STRBP: variants seen among roughly 807,000 people sequenced by gnomAD.
STRBP encodes the protein spermatid perinuclear RNA binding protein.
STRBP carries 13 observed loss-of-function variants against 80.1 expected under a neutral mutation model. The observed-to-expected ratio is 0.16, with a 90% CI of 0.11 to 0.26. STRBP has a LOEUF of 0.26. STRBP is among the 10% of genes least tolerant of loss of function. STRBP has a pLI of 1.00. For synonymous variants in STRBP, 284 were observed against 291.2 expected (o/e 0.98, Z 0.25); for missense variants, 485 against 815.2 (o/e 0.59, Z 4.93).
rs751504468 is a variant in STRBP at position 123,124,671 on chromosome 9, A to C, written c.*926T>G. On this transcript the variant is annotated 3_prime_UTR_variant, in exon 19 of 19. Transcript: ENST00000348403. ...AAAAAAGCCAGGGAGTGAACACAAT[A>C]TCTTACAGAGTGAAGAAGGCCACAA... 1 of 985,334 alleles carries C rather than the reference A, an allele frequency of 1.0e-6. No individual in the cohort carries two copies. The highest frequency in any genetic ancestry group is 1.2e-6 in the Non-Finnish European group (1 of 829,938). 61.0% of individuals were successfully genotyped at this position (985,334 alleles called of 1,614,324 possible).
intron 12 of STRBP, 145 bp downstream of exon 12, chr9:123,147,633 G>A (rs2036871469): frequency 6.7e-6 from 4 of 598,282 alleles, no homozygotes; most frequent in East Asian, 3.2e-5. Context: ...AGCCGAGATC[G>A]CGCCACTGCA....
Position 123,170,102 on chromosome 9 carries a change from G to GA in STRBP, c.391-57dup, listed in dbSNP as rs199869198. On this transcript the variant is annotated intron_variant, in intron 5 of 18. Transcript: ENST00000348403. ...AGTTAATTAGACTGAAACCTCAAAAGAAAAAAAAACAATGCTTGTACTAAG... is the reference window on the plus strand; with the variant it reads ...AGTTAATTAGACTGAAACCTCAAAAGAAAAAAAAAACAATGCTTGTACTAAG... 3.8e-3 allele frequency: 5,553 copies of GA among 1,448,794 alleles called. 1 individual carries two copies. Among genetic ancestry groups the GA allele is most frequent in the East Asian group, 5.7e-3 (218 of 38,258 alleles). 89.7% of individuals were successfully genotyped at this position (1,448,794 alleles called of 1,614,324 possible).
chr9:123,116,541 G>A (rs760608301), intron 2 of STRBP, among the ~76,000 whole-genome samples: 1 of 152,192 alleles, frequency 6.6e-6, no homozygotes, highest in African/African-American at 2.4e-5. Context: ...CAAAGGAACA[G>A]AAAAAGAACG....
chr9:123,206,017 A>T (rs2039500694), intron 2 of STRBP, among the ~76,000 whole-genome samples: 1 of 152,216 alleles, frequency 6.6e-6, no homozygotes, highest in African/African-American at 2.4e-5. Context: ...TTGGTATAAA[A>T]GCAATAGATT....
At chr9:123,171,366 A>G (rs1253058831) in intron 5 of STRBP, among the ~76,000 whole-genome samples, 3 of 152,206 alleles carry the variant, frequency 2.0e-5, no homozygotes, top group Non-Finnish European at 4.4e-5. Context: ...ACGTACTTAG[A>G]TAACTGAAAG....
At chr9:123,146,417 A>C (rs558779559) in intron 13 of STRBP, among the ~76,000 whole-genome samples, 3 of 151,974 alleles carry the variant, frequency 2.0e-5, no homozygotes, top group South Asian at 4.2e-4. Context: ...GTAGCATGTT[A>C]ATCGTACCGC....
At chr9:123,221,965 A>G (rs2040081540) in intron 2 of STRBP, among the ~76,000 whole-genome samples, 1 of 152,192 alleles carries the variant, frequency 6.6e-6, no homozygotes, top group Non-Finnish European at 1.5e-5. Context: ...CCTAATAGTT[A>G]TGGCATCCAG....
intron 2 of STRBP, among the ~76,000 whole-genome samples, chr9:123,230,814 C>T (rs1313577729): frequency 6.6e-6 from 1 of 152,156 alleles, no homozygotes; most frequent in African/African-American, 2.4e-5. Context: ...CTTCCACATA[C>T]TTTTTTCAAG....
At chr9:123,195,616 A>C (rs1189733641) in intron 2 of STRBP, among the ~76,000 whole-genome samples, 1 of 152,220 alleles carries the variant, frequency 6.6e-6, no homozygotes, top group East Asian at 1.9e-4. Flanking sequence ...ATAAAACTAA[A>C]TACCTAGGAC....
At chr9:123,138,305 T>C (rs1173582930) in intron 14 of STRBP, among the ~76,000 whole-genome samples, 5 of 152,214 alleles carry the variant, frequency 3.3e-5, no homozygotes, top group Non-Finnish European at 7.3e-5. Flanking sequence ...AAACAACATC[T>C]TGACCTGTGA....
intron 1 of STRBP, among the ~76,000 whole-genome samples, chr9:123,248,720 T>C (rs2040852647): frequency 6.6e-6 from 1 of 152,238 alleles, no homozygotes; most frequent in African/African-American, 2.4e-5. Context: ...TTCTCCAGTA[T>C]AACCTGATGT....
chr9:123,146,746 A>G, intron 13 of STRBP, 109 bp downstream of exon 13: 1 of 950,976 alleles, frequency 1.1e-6, no homozygotes, highest in East Asian at 2.7e-5. Flanking sequence ...TATATATAAT[A>G]TTATTGCTAT....
intron 6 of STRBP, among the ~76,000 whole-genome samples, chr9:123,169,281 G>A (rs371132297): frequency 4.7e-5 from 7 of 150,378 alleles, no homozygotes; most frequent in African/African-American, 1.7e-4. Flanking sequence ...CAATTCTCAT[G>A]TCTCAGCCTC....
chr9:123,185,554 C>T (rs2038662979), intron 2 of STRBP, among the ~76,000 whole-genome samples: 1 of 152,172 alleles, frequency 6.6e-6, no homozygotes, highest in African/African-American at 2.4e-5. Context: ...TATGATCCCA[C>T]AGTAAGAGAT....
chr9:123,231,842 A>T (rs2040406478), intron 2 of STRBP, among the ~76,000 whole-genome samples: 1 of 151,868 alleles, frequency 6.6e-6, no homozygotes, highest in Non-Finnish European at 1.5e-5. Context: ...ACTGGCCTGG[A>T]TCTCCCTCTC....
At chr9:123,203,988 AAAACAAAC>A (rs71960622) in intron 2 of STRBP, among the ~76,000 whole-genome samples, 2 of 151,264 alleles carry the variant, frequency 1.3e-5, no homozygotes, top group South Asian at 2.1e-4. Context: ...ACAAAAAAAC[AAAACAAAC>A]AAACAAACAA....
At chr9:123,225,788 A>G (rs1033550348) in intron 2 of STRBP, among the ~76,000 whole-genome samples, 1 of 152,218 alleles carries the variant, frequency 6.6e-6, no homozygotes, top group Non-Finnish European at 1.5e-5. Context: ...CACCCTGTTC[A>G]TAAGTTCCTT....
At chr9:123,215,473 A>G (rs1336812398) in intron 2 of STRBP, among the ~76,000 whole-genome samples, 1 of 152,194 alleles carries the variant, frequency 6.6e-6, no homozygotes, top group Non-Finnish European at 1.5e-5. Flanking sequence ...TATTCAGTTA[A>G]CAAATATTTA....
chr9:123,211,608 T>C (rs2039711451), intron 2 of STRBP, among the ~76,000 whole-genome samples: 1 of 152,224 alleles, frequency 6.6e-6, no homozygotes, highest in Non-Finnish European at 1.5e-5. Context: ...ACCAATTCTT[T>C]AAAAAGCTTC....
Sources: allele counts gnomAD v4.1 joint callset (sites outside exome capture counted in the v4.1 genomes callset), GRCh38; gene constraint gnomAD v4.1.1; transcripts MANE v1.5; gene names NCBI Gene and HGNC (gene_info 2026-07-23, HGNC 2026-07-21).